Variants in SOX5 observed in about 807,000 individuals in gnomAD.
SOX5 encodes transcription factor SOX-5.
Under a neutral mutation model 92.0 loss-of-function variants are expected in SOX5, and 9 were observed. The ratio of observed to expected loss-of-function variants is 0.10; its 90% confidence interval spans 0.06 to 0.17. The LOEUF (loss-of-function observed/expected upper bound fraction) is 0.17, where lower values mean the gene tolerates loss of function less well. Ranked by LOEUF, SOX5 falls within the 10% of genes least tolerant of loss-of-function variation. The pLI is 1.00. For synonymous variants in SOX5, 344 were observed against 336.3 expected (o/e 1.02, Z -0.25); for missense variants, 642 against 944.5 (o/e 0.68, Z 4.20).
intron 1 of SOX5, among the ~76,000 whole-genome samples, chr12:24,542,975 G>C (rs1395881848): frequency 6.6e-6 from 1 of 152,198 alleles, no homozygotes; most frequent in East Asian, 1.9e-4. Context: ...ACTTAAGTCT[G>C]AGTTCTATAC....
intron 1 of SOX5, among the ~76,000 whole-genome samples, chr12:24,405,731 G>A (rs1241709115): frequency 3.9e-5 from 6 of 152,058 alleles, no homozygotes; most frequent in Non-Finnish European, 7.3e-5. Flanking sequence ...ATTCAACTGA[G>A]GTACCTTCCT....
At chr12:23,709,683 T>C (rs1488525910) in intron 6 of SOX5, among the ~76,000 whole-genome samples, 1 of 152,192 alleles carries the variant, frequency 6.6e-6, no homozygotes, top group Non-Finnish European at 1.5e-5. Flanking sequence ...TTTAATGTAA[T>C]GACAGTTCTC....
intron 4 of SOX5, among the ~76,000 whole-genome samples, chr12:24,047,350 T>C (rs1379512837): frequency 6.6e-6 from 1 of 152,202 alleles, no homozygotes; most frequent in African/African-American, 2.4e-5. Context: ...GGACTTTAAA[T>C]GAAGCAAAAA....
At chr12:24,381,379 C>G (rs945917637) in intron 1 of SOX5, among the ~76,000 whole-genome samples, 7 of 152,140 alleles carry the variant, frequency 4.6e-5, no homozygotes, top group African/African-American at 1.7e-4. Flanking sequence ...TAGGCAGGCC[C>G]TGATAAATAA....
chr12:24,156,290 T>C (rs1382427246), intron 4 of SOX5, among the ~76,000 whole-genome samples: 1 of 152,190 alleles, frequency 6.6e-6, no homozygotes, highest in African/African-American at 2.4e-5. Context: ...TCAGGACTTC[T>C]GAAAGCATAA....
chr12:23,976,076 ACT>A (rs1321511095), intron 4 of SOX5, among the ~76,000 whole-genome samples: 3 of 152,052 alleles, frequency 2.0e-5, no homozygotes, highest in Admixed American at 6.6e-5. Flanking sequence ...TTTGTATTTG[ACT>A]CTCTTGAGAC....
intron 11 of SOX5, among the ~76,000 whole-genome samples, chr12:23,562,184 A>T (rs989123487): frequency 2.0e-5 from 3 of 152,104 alleles, no homozygotes; most frequent in African/African-American, 4.8e-5. Context: ...ACTGCAAGGG[A>T]TGTATACTGA....
chr12:24,094,709 C>T (rs1334335177), intron 4 of SOX5, among the ~76,000 whole-genome samples: 1 of 152,028 alleles, frequency 6.6e-6, no homozygotes, highest in Non-Finnish European at 1.5e-5. Context: ...AATTGTCCTA[C>T]CACCATGTAC....
At chr12:24,060,354 T>C (rs1231823137) in intron 4 of SOX5, among the ~76,000 whole-genome samples, 1 of 152,226 alleles carries the variant, frequency 6.6e-6, no homozygotes, top group Non-Finnish European at 1.5e-5. Context: ...CCTATGCGCT[T>C]GTACTGCACT....
At chr12:24,202,514 G>A (rs1292222396) in intron 4 of SOX5, among the ~76,000 whole-genome samples, 4 of 152,116 alleles carry the variant, frequency 2.6e-5, no homozygotes, top group Admixed American at 2.6e-4. Context: ...GATGATCTAT[G>A]GCCCTCATTG....
At chr12:24,104,169 T>C (rs1052183905) in intron 4 of SOX5, among the ~76,000 whole-genome samples, 2 of 152,186 alleles carry the variant, frequency 1.3e-5, no homozygotes, top group Admixed American at 6.5e-5. Flanking sequence ...AGAAAGTTTA[T>C]GGAATGTATG....
chr12:23,986,916 C>T lies in SOX5; in HGVS notation c.-1-90892G>A, dbSNP rs187044788. On this transcript the variant is annotated intron_variant, in intron 4 of 4. Transcript: ENST00000446891. ...TAAAATTCTACTTCAAATTGCTCCT[C>T]TTTTTGTGCTAAAGACTCATTTTAA... Among the ~76,000 whole-genome samples the T allele has an allele frequency of 1.8e-3, 273 of 152,238 alleles. 2 individuals are homozygous for T. Among genetic ancestry groups the T allele is most frequent in the Non-Finnish European group, 3.2e-3 (219 of 68,000 alleles).
At chr12:24,456,122 A>G (rs1054468096) in intron 1 of SOX5, among the ~76,000 whole-genome samples, 2 of 152,168 alleles carry the variant, frequency 1.3e-5, no homozygotes, top group Non-Finnish European at 2.9e-5. Flanking sequence ...GAGACTTCAC[A>G]ATGAGAGTGG....
At chr12:23,613,431 T>C (rs1291499749) in intron 8 of SOX5, among the ~76,000 whole-genome samples, 2 of 152,064 alleles carry the variant, frequency 1.3e-5, no homozygotes, top group Non-Finnish European at 2.9e-5. Flanking sequence ...AATGCTCCTG[T>C]CACTGTGAAA....
At chr12:24,523,341 T>C (rs1292048298) in intron 1 of SOX5, among the ~76,000 whole-genome samples, 1 of 152,090 alleles carries the variant, frequency 6.6e-6, no homozygotes, top group African/African-American at 2.4e-5. Flanking sequence ...TTAGATGCAA[T>C]CCCTATCAAA....
chr12:24,079,446 T>C (rs1943059835), intron 4 of SOX5, among the ~76,000 whole-genome samples: 1 of 152,062 alleles, frequency 6.6e-6, no homozygotes, highest in South Asian at 2.1e-4. Flanking sequence ...ATGTATGACA[T>C]GAAAATAAAT....
chr12:24,306,170 T>C lies in SOX5; in HGVS notation c.-173-28858A>G, dbSNP rs1464934710. 2.6e-5 allele frequency among the ~76,000 whole-genome samples: 4 copies of C among 152,188 alleles called. No homozygotes were observed. The East Asian group carries it at 7.7e-4, about 29-fold the overall frequency. ...AGTGGAATTCAGGGCTGGCAGGAAA[T>C]GATAAAGGCGGGGAAAGTGGGCGTT... On this transcript the variant is annotated intron_variant, in intron 2 of 4. Coordinates refer to the SOX5 transcript ENST00000446891.
chr12:23,920,061 C>G (rs548326040), intron 1 of SOX5: 2 of 152,172 alleles, frequency 1.3e-5, no homozygotes, highest in African/African-American at 4.8e-5. Flanking sequence ...TGCCAAACAT[C>G]GGCATTTATT....
chr12:23,530,818 T>TGTGTGTGTGTGTGTGTGCGCGCGCGC lies in SOX5; in HGVS notation c.*3400_*3401insGCGCGCGCGCACACACACACACACAC. The TGTGTGTGTGTGTGTGTGCGCGCGCGC allele has an allele frequency of 4.2e-4, 55 of 132,094 alleles. No individual in the cohort carries two copies. The highest frequency in any genetic ancestry group is 3.5e-3 in the South Asian group (13 of 3,702). The allele number at this position is 132,094 out of a possible 1,614,324, so 8.2% of individuals were successfully genotyped here. A position where few individuals can be genotyped will look rare whatever the true frequency, so the allele number is the denominator to read the frequency against. ...GGGCAAGTGTGTGTGTGTGTGTGTG[T>TGTGTGTGTGTGTGTGTGCGCGCGCGC]GCGCGCGCGCGCGCGCGCATGTGAG... On this transcript the variant is annotated 3_prime_UTR_variant, in exon 15 of 15. Coordinates refer to ENST00000451604, the MANE Select transcript of SOX5 (RefSeq NM_006940.6).
Sources: allele counts gnomAD v4.1 joint callset (sites outside exome capture counted in the v4.1 genomes callset), GRCh38; gene constraint gnomAD v4.1.1; transcripts MANE v1.5; gene names NCBI Gene and HGNC (gene_info 2026-07-23, HGNC 2026-07-21).